The following XPNPEP3 variants were observed in gnomAD, a reference collection of about 807,000 sequenced individuals.
XPNPEP3 encodes the protein xaa-Pro aminopeptidase 3.
A neutral mutation model predicts 60.0 loss-of-function variants in XPNPEP3; 41 were observed. The ratio of observed to expected loss-of-function variants is 0.68; its 90% confidence interval spans 0.53 to 0.89. The LOEUF (loss-of-function observed/expected upper bound fraction) is 0.89, where lower values mean the gene tolerates loss of function less well. Ranked by LOEUF, XPNPEP3 falls within the 40% of genes least tolerant of loss-of-function variation. XPNPEP3 has a pLI of 0.00. For missense variants in XPNPEP3, 598 were observed against 638.9 expected (o/e 0.94, Z 0.69); for synonymous variants, 212 against 223.2 (o/e 0.95, Z 0.45).
At position 40,914,531 on chromosome 22, in the gene XPNPEP3, A is replaced by ATTTTTT. The variant is rs560908648; in HGVS notation, c.1055+233_1055+238dup. Among the ~76,000 whole-genome samples the ATTTTTT allele has an allele frequency of 7.2e-4, 49 of 67,660 alleles. 6 individuals are homozygous for ATTTTTT. Among genetic ancestry groups the ATTTTTT allele is most frequent in the African/African-American group, 2.2e-3 (38 of 17,642 alleles). 44.4% of individuals were successfully genotyped at this position (67,660 alleles called of 152,430 possible). A position where few individuals can be genotyped will look rare whatever the true frequency, so the allele number is the denominator to read the frequency against. On this transcript the variant is annotated intron_variant, in intron 7 of 9. Coordinates refer to ENST00000357137, the MANE Select transcript of XPNPEP3 (RefSeq NM_022098.4). ...AGAAACACCTAGGTAACTAACAAAG[A>ATTTTTT]TTTTTTTTTTTTTTTTTTTTTTTTT...
chr22:40,883,874 T>C (rs1411806155), intron 3 of XPNPEP3, among the ~76,000 whole-genome samples: 2 of 152,180 alleles, frequency 1.3e-5, no homozygotes, highest in Non-Finnish European at 2.9e-5. Context: ...AGATAGATGC[T>C]CAAGTTTAAA....
At chr22:40,909,265 A>T in intron 6 of XPNPEP3, 30 bp downstream of exon 6, 1 of 1,572,274 alleles carries the variant, frequency 6.4e-7, no homozygotes. Flanking sequence ...TGCTACTCCC[A>T]CTAGGTCCAG....
chr22:40,878,929 A>C (rs1408591469), intron 2 of XPNPEP3, among the ~76,000 whole-genome samples: 1 of 152,184 alleles, frequency 6.6e-6, no homozygotes, highest in East Asian at 1.9e-4. Context: ...ATAGCTGTGA[A>C]ATAGCCAAAA....
intron 7 of XPNPEP3, among the ~76,000 whole-genome samples, chr22:40,915,969 T>C (rs773864592): frequency 2.6e-5 from 4 of 152,098 alleles, no homozygotes; most frequent in Non-Finnish European, 5.9e-5. Context: ...AAACTGGTAA[T>C]TGTGACCTGT....
At chr22:40,858,468 T>C (rs1569010048) in intron 1 of XPNPEP3, among the ~76,000 whole-genome samples, 1 of 149,460 alleles carries the variant, frequency 6.7e-6, no homozygotes, top group African/African-American at 2.5e-5. Context: ...CACAGAACTC[T>C]AAAACGGAGT....
chr22:40,911,951 G>A (rs1361320486), intron 6 of XPNPEP3, among the ~76,000 whole-genome samples: 3 of 152,196 alleles, frequency 2.0e-5, no homozygotes, highest in South Asian at 4.1e-4. Flanking sequence ...TATCCCAGAA[G>A]TTTTATGATG....
chr22:40,926,002 C>T (rs1351677623), intron 9 of XPNPEP3, among the ~76,000 whole-genome samples: 1 of 152,154 alleles, frequency 6.6e-6, no homozygotes, highest in African/African-American at 2.4e-5. Context: ...TCATGATCAG[C>T]ATTGCCGTAG....
intron 2 of XPNPEP3, among the ~76,000 whole-genome samples, chr22:40,869,364 T>C (rs1469779736): frequency 6.6e-6 from 1 of 152,198 alleles, no homozygotes; most frequent in Non-Finnish European, 1.5e-5. Context: ...TTGACAATAC[T>C]AGTCTAGAAC....
intron 2 of XPNPEP3, among the ~76,000 whole-genome samples, chr22:40,875,086 C>G (rs1410464515): frequency 6.6e-6 from 1 of 152,168 alleles, no homozygotes; most frequent in Non-Finnish European, 1.5e-5. Flanking sequence ...TCTACTTTTT[C>G]TATAAGTACT....
chr22:40,877,794 A>G (rs1440435325), intron 2 of XPNPEP3, among the ~76,000 whole-genome samples: 1 of 152,212 alleles, frequency 6.6e-6, no homozygotes, highest in African/African-American at 2.4e-5. Context: ...TTGACTATAA[A>G]GTTGAGTTCT....
At chr22:40,865,318 C>T (rs538978262) in intron 1 of XPNPEP3, among the ~76,000 whole-genome samples, 91 of 144,166 alleles carry the variant, frequency 6.3e-4, no homozygotes, top group African/African-American at 2.4e-3. Context: ...ACTGTGAGCC[C>T]TCCTCACTTT....
chr22:40,868,147 A>G (rs1443772253), intron 1 of XPNPEP3, among the ~76,000 whole-genome samples: 2 of 152,196 alleles, frequency 1.3e-5, no homozygotes, highest in African/African-American at 4.8e-5. Flanking sequence ...AATGCTAATA[A>G]CTAACATTTG....
intron 1 of XPNPEP3, among the ~76,000 whole-genome samples, chr22:40,866,126 CAAG>C (rs2057977494): frequency 6.6e-6 from 1 of 152,224 alleles, no homozygotes; most frequent in African/African-American, 2.4e-5. Context: ...AGTCAAAAAT[CAAG>C]AATTATTCTT....
At chr22:40,867,920 A>C (rs935192318) in intron 1 of XPNPEP3, among the ~76,000 whole-genome samples, 1 of 150,910 alleles carries the variant, frequency 6.6e-6, no homozygotes, top group Non-Finnish European at 1.5e-5. Flanking sequence ...CCTGGGCGAC[A>C]GAGTGAGACC....
chr22:40,888,894 G>T (rs1215879293), intron 4 of XPNPEP3, among the ~76,000 whole-genome samples: 14 of 152,092 alleles, frequency 9.2e-5, no homozygotes. Context: ...TGTTTTTGTG[G>T]CAATAGCCAA....
At chr22:40,874,356 A>G (rs1260984249) in intron 2 of XPNPEP3, among the ~76,000 whole-genome samples, 6 of 152,142 alleles carry the variant, frequency 3.9e-5, no homozygotes, top group Admixed American at 1.3e-4. Flanking sequence ...CAAAATATAC[A>G]TACGTGCTAG....
At chr22:40,924,090 A>C (rs2058226137) in intron 8 of XPNPEP3, among the ~76,000 whole-genome samples, 1 of 152,042 alleles carries the variant, frequency 6.6e-6, no homozygotes, top group African/African-American at 2.4e-5. Flanking sequence ...CATTTGCCAC[A>C]GTCATTAGTT....
intron 1 of XPNPEP3, among the ~76,000 whole-genome samples, chr22:40,868,085 C>T (rs2057987468): frequency 6.6e-6 from 1 of 152,092 alleles, no homozygotes; most frequent in Non-Finnish European, 1.5e-5. Context: ...CCTTGTCATT[C>T]ATGTGTCTTT....
At chr22:40,873,908 A>G (rs1601494093) in intron 2 of XPNPEP3, among the ~76,000 whole-genome samples, 2 of 152,368 alleles carry the variant, frequency 1.3e-5, no homozygotes, top group South Asian at 4.1e-4. Flanking sequence ...AGAGTGGGTT[A>G]TAGATAATAA....
Sources: allele counts gnomAD v4.1 joint callset (sites outside exome capture counted in the v4.1 genomes callset), GRCh38; gene constraint gnomAD v4.1.1; transcripts MANE v1.5; gene names NCBI Gene and HGNC (gene_info 2026-07-23, HGNC 2026-07-21).